Variants in SLC24A2 observed in about 807,000 individuals in gnomAD.
SLC24A2 encodes sodium/potassium/calcium exchanger 2.
SLC24A2 carries 36 observed loss-of-function variants against 62.0 expected under a neutral mutation model. That is an observed-to-expected ratio of 0.58 (90% CI 0.44 to 0.77). The LOEUF (loss-of-function observed/expected upper bound fraction) is 0.77. Ranked by LOEUF, SLC24A2 falls within the 30% of genes least tolerant of loss-of-function variation. The pLI is 0.00. For synonymous variants in SLC24A2, 358 were observed against 294.0 expected, an observed-to-expected ratio of 1.22 and a Z score of -2.23; for missense variants, 846 against 817.9, an observed-to-expected ratio of 1.03 and a Z score of -0.42.
chr9:20,242,859 C>CACTA, the SLC24A2 span, among the ~76,000 whole-genome samples: 1 of 152,092 alleles, frequency 6.6e-6, no homozygotes, highest in Non-Finnish European at 1.5e-5. Flanking sequence ...GTGCTGTCAG[C>CACTA]GAGGCAATCT....
At chr9:19,707,716 T>G (rs1355908895) in intron 2 of SLC24A2, among the ~76,000 whole-genome samples, 1 of 152,062 alleles carries the variant, frequency 6.6e-6, no homozygotes, top group African/African-American at 2.4e-5. Context: ...CCTTCATGCT[T>G]AAAACTCTCA....
chr9:19,830,862 A>G, the SLC24A2 span, among the ~76,000 whole-genome samples: 1 of 152,230 alleles, frequency 6.6e-6, no homozygotes, highest in Non-Finnish European at 1.5e-5. Context: ...TGGGTAATTT[A>G]TAAGCAATAG....
the SLC24A2 span, among the ~76,000 whole-genome samples, chr9:20,197,727 C>A: frequency 6.6e-6 from 1 of 152,074 alleles, no homozygotes; most frequent in Non-Finnish European, 1.5e-5. Flanking sequence ...CCGAGCCAGG[C>A]CATAATTGGG....
chr9:20,105,490 C>G, the SLC24A2 span, among the ~76,000 whole-genome samples: 26 of 151,910 alleles, frequency 1.7e-4, no homozygotes, highest in Non-Finnish European at 3.5e-4. Flanking sequence ...GAAATTATAA[C>G]AAACTGTCTC....
At chr9:19,705,538 G>A (rs1820487471) in intron 2 of SLC24A2, 1 of 229,004 alleles carries the variant, frequency 4.4e-6, no homozygotes, top group Admixed American at 4.1e-5. Context: ...AGCTTGCCCA[G>A]AAAGAGAAGG....
At chr9:20,098,185 T>C in the SLC24A2 span, among the ~76,000 whole-genome samples, 1 of 152,218 alleles carries the variant, frequency 6.6e-6, no homozygotes, top group East Asian at 1.9e-4. Flanking sequence ...CAGATATGAC[T>C]AATAACTGAC....
chr9:19,718,503 G>T (rs538353232), intron 2 of SLC24A2, among the ~76,000 whole-genome samples: 1 of 137,182 alleles, frequency 7.3e-6, no homozygotes, highest in East Asian at 2.1e-4. Context: ...TAGAAACAGG[G>T]TTTCACCATG....
chr9:20,032,640 A>G, the SLC24A2 span, among the ~76,000 whole-genome samples: 1 of 152,190 alleles, frequency 6.6e-6, no homozygotes, highest in African/African-American at 2.4e-5. Context: ...ATGTTAGACA[A>G]CTTAGGTCAT....
the SLC24A2 span, among the ~76,000 whole-genome samples, chr9:20,267,469 C>G: frequency 6.6e-6 from 1 of 152,210 alleles, no homozygotes; most frequent in Non-Finnish European, 1.5e-5. Context: ...CACCCCACAG[C>G]TACACTGTCC....
chr9:20,006,494 G>T, the SLC24A2 span, among the ~76,000 whole-genome samples: 1 of 151,944 alleles, frequency 6.6e-6, no homozygotes, highest in South Asian at 2.1e-4. Flanking sequence ...ACACAAAAAA[G>T]GATAAATGCT....
In SLC24A2 at chr9:19,732,431, C is replaced by T. The variant is rs1304006106; in HGVS notation, c.930+53506G>A. ...AGCATGAGAACCCCAACCCATGCAA[C>T]TCCATCAGGGCTGGCAGCCTTTCTT... On this transcript the variant is annotated intron_variant, in intron 2 of 10. Transcript: ENST00000341998. 4.6e-5 allele frequency among the ~76,000 whole-genome samples: 7 copies of T among 152,174 alleles called. No homozygotes were observed. In the East Asian group the frequency reaches 1.2e-3, roughly 25 times the overall value.
chr9:19,507,779 G>A lies in SLC24A2; in HGVS notation c.*8374C>T, dbSNP rs960773199. ...ACATACAAAATGACAGAAGTAATTT[G>A]GAAGTGCATCCACTGGATTTTTGTA... On this transcript the variant is annotated 3_prime_UTR_variant, in exon 11 of 11. Coordinates refer to ENST00000341998, the MANE Select transcript of SLC24A2 (RefSeq NM_020344.4). The A allele has an allele frequency of 2.6e-5, 4 of 152,166 alleles. No homozygotes were observed. Among genetic ancestry groups the A allele is most frequent in the African/African-American group, 9.7e-5 (4 of 41,440 alleles). The allele number at this position is 152,166 out of a possible 1,614,324, so 9.4% of individuals were successfully genotyped here.
intron 2 of SLC24A2, among the ~76,000 whole-genome samples, chr9:19,690,168 T>A (rs1320353545): frequency 1.3e-5 from 2 of 152,052 alleles, no homozygotes; most frequent in Non-Finnish European, 2.9e-5. Context: ...GCTTTATACA[T>A]GTAGCTTTAT....
the SLC24A2 span, among the ~76,000 whole-genome samples, chr9:19,897,934 C>T: frequency 6.6e-6 from 1 of 152,194 alleles, no homozygotes; most frequent in Non-Finnish European, 1.5e-5. Context: ...CCCCATCCCA[C>T]TTTTCCTTTT....
the SLC24A2 span, among the ~76,000 whole-genome samples, chr9:19,817,648 T>C: frequency 9.2e-5 from 14 of 152,114 alleles, no homozygotes; most frequent in Non-Finnish European, 1.9e-4. Flanking sequence ...GATTTGATTA[T>C]AAAATATAGA....
the SLC24A2 span, among the ~76,000 whole-genome samples, chr9:19,972,794 C>G: frequency 6.6e-6 from 1 of 152,050 alleles, no homozygotes; most frequent in African/African-American, 2.4e-5. Context: ...CTATTCTATA[C>G]CATGGAATTG....
At chr9:20,295,025 T>C in the SLC24A2 span, among the ~76,000 whole-genome samples, 1 of 146,630 alleles carries the variant, frequency 6.8e-6, no homozygotes, top group Non-Finnish European at 1.5e-5. Flanking sequence ...TCTGTGCATA[T>C]GTGTATATAT....
At chr9:20,290,157 G>C in the SLC24A2 span, among the ~76,000 whole-genome samples, 1 of 152,160 alleles carries the variant, frequency 6.6e-6, no homozygotes, top group Non-Finnish European at 1.5e-5. Context: ...TGAAAACAAG[G>C]AACAGAAATC....
the SLC24A2 span, among the ~76,000 whole-genome samples, chr9:20,111,076 C>A: frequency 1.3e-4 from 20 of 152,164 alleles, no homozygotes; most frequent in Non-Finnish European, 2.4e-4. Context: ...CTTCCTGTCA[C>A]CCTTCTAGCT....
Sources: allele counts gnomAD v4.1 joint callset (sites outside exome capture counted in the v4.1 genomes callset), GRCh38; gene constraint gnomAD v4.1.1; transcripts MANE v1.5; gene names NCBI Gene and HGNC (gene_info 2026-07-23, HGNC 2026-07-21).